Variants in SLC1A4 observed in about 807,000 individuals in gnomAD.
SLC1A4 encodes solute carrier family 1 member 4, also known as neutral amino acid transporter A.
A neutral mutation model predicts 37.7 loss-of-function variants in SLC1A4; 19 were observed. The ratio of observed to expected loss-of-function variants is 0.50; its 90% confidence interval spans 0.35 to 0.74. The LOEUF is 0.74. SLC1A4 is among the 30% of genes least tolerant of loss of function. The probability of loss-of-function intolerance (pLI) is 0.01; values close to 1 mark genes in which losing one functional copy is unlikely to be tolerated. For synonymous variants in SLC1A4, 299 were observed against 309.8 expected (o/e 0.97, Z 0.37); for missense variants, 570 against 712.9 (o/e 0.80, Z 2.28).
chr2:65,007,819 T>C (rs1673746578), intron 3 of SLC1A4, among the ~76,000 whole-genome samples: 1 of 152,252 alleles, frequency 6.6e-6, no homozygotes, highest in Non-Finnish European at 1.5e-5. Flanking sequence ...AACATTTGTC[T>C]TTTCTTTGTG....
intron 5 of SLC1A4, among the ~76,000 whole-genome samples, chr2:65,017,266 T>C (rs1674178854): frequency 6.6e-6 from 1 of 152,048 alleles, no homozygotes; most frequent in Non-Finnish European, 1.5e-5. Flanking sequence ...GGATGGATGC[T>C]TAGCCCTCTA....
chr2:64,996,267 AT>A (rs1298949578), intron 1 of SLC1A4, among the ~76,000 whole-genome samples: 1 of 152,190 alleles, frequency 6.6e-6, no homozygotes, highest in African/African-American at 2.4e-5. Context: ...ATATACTGAT[AT>A]TTTTGTCTAA....
chr2:64,989,765 G>T lies in SLC1A4; in HGVS notation c.122G>T (p.Arg41Leu). The T allele has an allele frequency of 6.9e-7, 1 of 1,447,766 alleles. No individual in the cohort carries two copies. The highest frequency in any genetic ancestry group is 1.5e-5 in the African/African-American group (1 of 66,724). The allele number at this position is 1,447,766 out of a possible 1,614,324, so 89.7% of individuals were successfully genotyped here. Residue 41 changes from arginine (R) to leucine (L), a missense_variant, in exon 1 of 8, where the codon CGC becomes CTC. Coordinates refer to ENST00000234256, the MANE Select transcript of SLC1A4 (RefSeq NM_003038.5). ...RARRCAGFLR[R>L]QALVLLTVSG... ...CGGCGTTGCGCGGGCTTCCTGCGGC[G>T]CCAAGCGCTGGTGCTGCTCACCGTG...
rs559679460 is a variant in SLC1A4, at chr2:65,005,548, G to GT, written c.633+1533_633+1534insT. Among the ~76,000 whole-genome samples, 695 of 152,308 alleles carry GT rather than the reference G, an allele frequency of 4.6e-3. 5 individuals are homozygous for GT. Among genetic ancestry groups the GT allele is most frequent in the African/African-American group, 0.015 (636 of 41,584 alleles). On this transcript the variant is annotated intron_variant, in intron 3 of 7. Coordinates refer to ENST00000234256, the MANE Select transcript of SLC1A4 (RefSeq NM_003038.5). ...CTTTCCAGGTAAGTGGCTCACTTCTGCATGCCACCCTCTTGGCACAGACAC... is the reference window on the plus strand; with the variant it reads ...CTTTCCAGGTAAGTGGCTCACTTCTGTCATGCCACCCTCTTGGCACAGACAC...
At chr2:64,993,324 A>C (rs1673131843) in intron 1 of SLC1A4, among the ~76,000 whole-genome samples, 1 of 152,232 alleles carries the variant, frequency 6.6e-6, no homozygotes, top group Non-Finnish European at 1.5e-5. Context: ...TGGAACTACA[A>C]GTCAGAAAGA....
chr2:65,002,304 T>TAAATAAATAAATAAATA (rs1362908164), intron 2 of SLC1A4, among the ~76,000 whole-genome samples: 6 of 148,906 alleles, frequency 4.0e-5, no homozygotes, highest in Non-Finnish European at 8.9e-5. Context: ...AATAAATAAA[T>TAAATAAATAAATAAATA]AATAAAATAA....
At chr2:65,015,647 T>C (rs1009861675) in intron 4 of SLC1A4, among the ~76,000 whole-genome samples, 5 of 152,204 alleles carry the variant, frequency 3.3e-5, no homozygotes, top group African/African-American at 4.8e-5. Flanking sequence ...CCAGTGACAT[T>C]GTCTCCAGGG....
Position 65,018,436 on chromosome 2 carries a change from G to A in SLC1A4, c.1230-109G>A. 1 of 1,489,980 alleles carries A rather than the reference G, an allele frequency of 6.7e-7. No homozygotes were observed. The highest frequency in any genetic ancestry group is 9.1e-7 in the Non-Finnish European group (1 of 1,099,358). The allele number at this position is 1,489,980 out of a possible 1,614,324, so 92.3% of individuals were successfully genotyped here. ...CAAGGGCGTAGCCAGCAGAGCCTATGGTGGGGCGGTTTTTAGTTTCCAGCC... is the reference window on the plus strand; with the variant it reads ...CAAGGGCGTAGCCAGCAGAGCCTATAGTGGGGCGGTTTTTAGTTTCCAGCC... On this transcript the variant is annotated intron_variant, in intron 6 of 7. Transcript: ENST00000234256. The surrounding 1 kb of genome is among the most constrained non-coding windows in gnomAD (Gnocchi z 4.3).
At chr2:65,011,258 T>A (rs1272132666) in intron 4 of SLC1A4, 1 of 152,464 alleles carries the variant, frequency 6.6e-6, no homozygotes, top group Non-Finnish European at 1.5e-5. Context: ...GTTGGAATGC[T>A]CTTCTTTTAT....
In SLC1A4 at chr2:65,018,242, C is replaced by T. The variant is rs147559268; in HGVS notation, c.1206C>T (p.Asn402=). Residue 402 remains asparagine, a synonymous_variant, in exon 6 of 8, where the codon AAC becomes AAT. Coordinates refer to ENST00000234256, the MANE Select transcript of SLC1A4 (RefSeq NM_003038.5). This position sits in a 1 kb window ranked among gnomAD's most constrained non-coding sequence, Gnocchi z 4.3. The part of the protein sequence containing the change: ...FIAQLNNVEL[N]AGQIFTILVT... ...CGCAACTCAACAACGTAGAGCTCAACGCAGGACAGATTTTCACCATTCTGT... is the reference window on the plus strand; with the variant it reads ...CGCAACTCAACAACGTAGAGCTCAATGCAGGACAGATTTTCACCATTCTGT... 1.6e-4 allele frequency: 253 copies of T among 1,613,936 alleles called. No individual in the cohort carries two copies. In the African/African-American group the frequency reaches 2.9e-3, roughly 19 times the overall value.
At chr2:64,990,269 AT>A (rs779835046) in intron 1 of SLC1A4, 99 bp downstream of exon 1, 14 of 1,152,412 alleles carry the variant, frequency 1.2e-5, no homozygotes, top group Non-Finnish European at 1.7e-5. Flanking sequence ...CTAAGAGTTA[AT>A]TCTTAGCTGG....
In SLC1A4 at chr2:65,021,997, C is replaced by G. The variant is rs1355519955; in HGVS notation, c.*851C>G. ...CACTTTGGCTTTTTCTCCATTCACG[C>G]TGATTTGGCAAAAGGCCAGAGATGG... On this transcript the variant is annotated 3_prime_UTR_variant, in exon 8 of 8. Coordinates refer to ENST00000234256, the MANE Select transcript of SLC1A4 (RefSeq NM_003038.5). 6.6e-6 allele frequency: 1 copy of G among 152,264 alleles called. No individual in the cohort carries two copies. Among genetic ancestry groups the G allele is most frequent in the African/African-American group, 2.4e-5 (1 of 41,466 alleles). The allele number at this position is 152,264 out of a possible 1,614,324, so 9.4% of individuals were successfully genotyped here.
At chr2:65,000,594 T>G (rs970080313) in intron 1 of SLC1A4, 2 of 152,200 alleles carry the variant, frequency 1.3e-5, no homozygotes, top group African/African-American at 4.8e-5. Context: ...GGTGTGATTT[T>G]CCAGGAAGAC....
In SLC1A4 at chr2:64,989,523, C is replaced by CG; in HGVS notation, c.-117dup. On this transcript the variant is annotated 5_prime_UTR_variant, in exon 1 of 8. Transcript: ENST00000234256. ...CTCCTGCGCCAGGCCCGGAGACCCC[C>CG]GGGGCGGCTTCCCAGAACCTGCGGA... 1 of 896,022 alleles carries CG rather than the reference C, an allele frequency of 1.1e-6. No homozygotes were observed. The highest frequency in any genetic ancestry group is 1.5e-6 in the Non-Finnish European group (1 of 656,834). 55.5% of individuals were successfully genotyped at this position (896,022 alleles called of 1,614,324 possible). A position where few individuals can be genotyped will look rare whatever the true frequency, so the allele number is the denominator to read the frequency against.
chr2:65,001,122 A>ACAG, intron 1 of SLC1A4: 1 of 235,078 alleles, frequency 4.3e-6, no homozygotes. Context: ...CAGCGCAGGC[A>ACAG]CAGTTAGGGT....
intron 2 of SLC1A4, 122 bp downstream of exon 2, chr2:65,001,612 T>C: frequency 1.2e-6 from 1 of 807,864 alleles, no homozygotes. Flanking sequence ...CTTGGTAAGA[T>C]TGGCCTAAAC....
Position 65,022,741 on chromosome 2 carries a change from C to CA in SLC1A4, c.*1596dup, listed in dbSNP as rs1674476149. The CA allele has an allele frequency of 6.6e-6, 1 of 152,240 alleles. No individual in the cohort carries two copies. Among genetic ancestry groups the CA allele is most frequent in the African/African-American group, 2.4e-5 (1 of 41,434 alleles). The allele number at this position is 152,240 out of a possible 1,614,324, so 9.4% of individuals were successfully genotyped here. A position where few individuals can be genotyped will look rare whatever the true frequency, so the allele number is the denominator to read the frequency against. ...TTCATGAACTAGCAACCCCACCTTC[C>CA]ACCATGGTTCTGGGCGCCTGATTTT... On this transcript the variant is annotated 3_prime_UTR_variant, in exon 8 of 8. Coordinates refer to ENST00000234256, the MANE Select transcript of SLC1A4 (RefSeq NM_003038.5).
At chr2:65,002,809 CT>C (rs1443442161) in intron 2 of SLC1A4, among the ~76,000 whole-genome samples, 1 of 151,990 alleles carries the variant, frequency 6.6e-6, no homozygotes, top group Non-Finnish European at 1.5e-5. Context: ...ATCTCCTGAC[CT>C]TGTGATCCGC....
intron 7 of SLC1A4, among the ~76,000 whole-genome samples, chr2:65,020,524 C>T (rs1674376338): frequency 6.6e-6 from 1 of 152,146 alleles, no homozygotes; most frequent in African/African-American, 2.4e-5. Flanking sequence ...ACCTCAGCCT[C>T]CCAAATTGCT....
Sources: allele counts gnomAD v4.1 joint callset (sites outside exome capture counted in the v4.1 genomes callset), GRCh38; gene constraint gnomAD v4.1.1; non-coding constraint Gnocchi (gnomAD v3.1); transcripts MANE v1.5; gene names NCBI Gene and HGNC (gene_info 2026-07-23, HGNC 2026-07-21).